Variants in ZNF225 observed in about 807,000 individuals in gnomAD.
ZNF225 encodes zinc finger protein 225.
In ZNF225, 6 loss-of-function variants were observed where a neutral mutation model predicts 12.0. That is an observed-to-expected ratio of 0.50 (90% CI 0.27 to 0.98). The LOEUF (loss-of-function observed/expected upper bound fraction) is 0.98. Among genes scored for constraint, ZNF225 ranks in the 50% least tolerant of loss-of-function variants. ZNF225 has a pLI of 0.11. For missense variants in ZNF225, 763 were observed against 848.2 expected, an observed-to-expected ratio of 0.90 and a Z score of 1.25; for synonymous variants, 271 against 283.2, an observed-to-expected ratio of 0.96 and a Z score of 0.43.
At chr19:44,118,673 C>A in intron 4 of ZNF225, 99 bp downstream of exon 4, 7 of 1,196,538 alleles carry the variant, frequency 5.9e-6, no homozygotes, top group Non-Finnish European at 7.1e-6. Context: ...AATGGCCAGA[C>A]CTCTTTCCTG....
intron 1 of ZNF225, chr19:44,114,210 C>G: frequency 9.8e-7 from 1 of 1,022,460 alleles, no homozygotes; most frequent in Non-Finnish European, 1.5e-6. Context: ...GGGCAAAGCT[C>G]TACGTGAGTG....
chr19:44,114,121 T>A, intron 1 of ZNF225: 1 of 663,156 alleles, frequency 1.5e-6, no homozygotes, highest in Non-Finnish European at 2.5e-6. Context: ...GCGACCACGG[T>A]CAGAGTGTTT....
rs149626182 is a variant in ZNF225 at position 44,114,999 on chromosome 19, T to A, written c.-68-761T>A. Among the ~76,000 whole-genome samples the A allele has an allele frequency of 2.4e-3, 358 of 152,316 alleles. 3 individuals are homozygous for A. The highest frequency in any genetic ancestry group is 0.01 in the Middle Eastern group (3 of 294). ...GTTGCTCTCAATATACACTCCCTAA[T>A]TTTTTAGTTAAATAAAATTTTGTAA... On this transcript the variant is annotated intron_variant, in intron 1 of 4. Transcript: ENST00000262894.
At chr19:44,114,150 C>A in intron 1 of ZNF225, 4 of 927,586 alleles carry the variant, frequency 4.3e-6, no homozygotes, top group South Asian at 3.0e-5. Context: ...TCTCCTTACC[C>A]AGCCCGACCT....
At chr19:44,118,674 C>A in intron 4 of ZNF225, 100 bp downstream of exon 4, 1 of 1,190,080 alleles carries the variant, frequency 8.4e-7, no homozygotes, top group Non-Finnish European at 1.2e-6. Context: ...ATGGCCAGAC[C>A]TCTTTCCTGA....
chr19:44,132,429 T>TA lies in ZNF225; in HGVS notation c.1816dup (p.Thr606AsnfsTer2). On this transcript the variant is annotated frameshift_variant, in exon 5 of 5. Coordinates refer to ENST00000262894, the MANE Select transcript of ZNF225 (RefSeq NM_013362.4). LOFTEE classifies it low-confidence loss of function (END_TRUNC). The stretch of plus-strand genomic sequence containing the variant: ...AATGTGAAGAGTGTGGGAAGAGATT[T>TA]ACTGAGAATTCACAGCTTCATTCCC... 1 of 1,614,194 alleles carries TA rather than the reference T, an allele frequency of 6.2e-7. No homozygotes were observed. Among genetic ancestry groups the TA allele is most frequent in the South Asian group, 1.1e-5 (1 of 91,090 alleles).
chr19:44,114,802 G>A (rs551876332), intron 1 of ZNF225, among the ~76,000 whole-genome samples: 101 of 152,316 alleles, frequency 6.6e-4, no homozygotes, highest in African/African-American at 2.4e-3. Context: ...GAGCCACCGT[G>A]CCCAGCCTGA....
intron 4 of ZNF225, 147 bp from the exon 5 acceptor site, chr19:44,130,699 TCAAA>T (rs1968228044): frequency 4.1e-6 from 1 of 246,298 alleles, no homozygotes; most frequent in Non-Finnish European, 6.8e-6. Context: ...AGACTCCATC[TCAAA>T]AAAAAAAAAA....
At chr19:44,127,475 C>G (rs540376843) in intron 4 of ZNF225, among the ~76,000 whole-genome samples, 2 of 152,186 alleles carry the variant, frequency 1.3e-5, no homozygotes, top group African/African-American at 4.8e-5. Flanking sequence ...TGCAGTTGAT[C>G]TGGAGGTAAA....
intron 1 of ZNF225, among the ~76,000 whole-genome samples, chr19:44,115,144 T>TAA (rs1967917326): frequency 7.0e-6 from 1 of 143,172 alleles, no homozygotes; most frequent in Admixed American, 7.0e-5. Context: ...GAATCCAGTC[T>TAA]TATTAAGTTA....
At chr19:44,118,147 A>T (rs1245096950) in intron 2 of ZNF225, 41 bp from the exon 3 acceptor site, 1 of 1,587,222 alleles carries the variant, frequency 6.3e-7, no homozygotes, top group Admixed American at 1.8e-5. Flanking sequence ...CTCAGTAGTC[A>T]TTGGTCATGA....
chr19:44,131,798 G>A lies in ZNF225; in HGVS notation c.1184G>A (p.Ser395Asn), dbSNP rs45532431. The change falls in exon 5 of 5, where the codon AGT (serine) becomes AAT (asparagine). Residue 395 changes from serine to asparagine, a missense_variant. Ser to Asn is a conservative substitution (Grantham distance 46, BLOSUM62 1). Coordinates refer to ENST00000262894, the MANE Select transcript of ZNF225 (RefSeq NM_013362.4). ...CTTTCAAGACATGTGCGAGTCCACAGTGGAGAGACAACATTCAAATGTGAA... is the reference window on the plus strand; with the variant it reads ...CTTTCAAGACATGTGCGAGTCCACAATGGAGAGACAACATTCAAATGTGAA... ...SGLSRHVRVH[S>N]GETTFKCEEC... The A allele has an allele frequency of 2.5e-5, 41 of 1,614,092 alleles. No individual in the cohort carries two copies. Among genetic ancestry groups the A allele is most frequent in the Non-Finnish European group, 2.5e-6 (3 of 1,180,036 alleles).
At chr19:44,111,683 G>A (rs543453427), upstream of ZNF225, among the ~76,000 whole-genome samples, 282 of 152,308 alleles carry the variant, frequency 1.9e-3, 2 homozygotes, top group African/African-American at 6.7e-3. Flanking sequence ...AGCAAAGGGA[G>A]TTAGAAACAA....
upstream of ZNF225, chr19:44,112,762 C>G (rs1306240106): frequency 1.3e-5 from 2 of 152,202 alleles, no homozygotes; most frequent in Non-Finnish European, 2.9e-5. Context: ...CACGGATGTT[C>G]CACTTTATTT....
In ZNF225 at chr19:44,131,242, G is replaced by A. The variant is rs752107998; in HGVS notation, c.628G>A (p.Gly210Ser). 1 of 1,614,206 alleles carries A rather than the reference G, an allele frequency of 6.2e-7. No homozygotes were observed. Among genetic ancestry groups the A allele is most frequent in the Non-Finnish European group, 8.5e-7 (1 of 1,180,040 alleles). The stretch of plus-strand genomic sequence containing the variant: ...GAAACTCTATAATTGTGATGTGTGT[G>A]GTAAGGAATTCAATCAGAGCTCACA... ...GEKLYNCDVC[G>S]KEFNQSSHLQ... is the part of the protein sequence containing the mutation. The change falls in exon 5 of 5, where the codon GGT (glycine) becomes AGT (serine). Residue 210 changes from glycine (G) to serine (S), a missense_variant. Coordinates refer to ENST00000262894, the MANE Select transcript of ZNF225 (RefSeq NM_013362.4).
chr19:44,118,337 A>G (rs1331566797), intron 3 of ZNF225, 23 bp downstream of exon 3: 2 of 1,609,936 alleles, frequency 1.2e-6, no homozygotes, highest in African/African-American at 2.7e-5. Context: ...ACCCTTTGTA[A>G]GGGAACATCA....
rs1347671494 is a variant in ZNF225 at position 44,114,023 on chromosome 19, C to G, written c.-69+454C>G. 9.3e-6 allele frequency: 3 copies of G among 322,746 alleles called. No individual in the cohort carries two copies. In the East Asian group the frequency reaches 1.4e-4, roughly 15 times the overall value. The allele number at this position is 322,746 out of a possible 1,614,324, so 20.0% of individuals were successfully genotyped here. On this transcript the variant is annotated intron_variant, in intron 1 of 4. Coordinates refer to ENST00000262894, the MANE Select transcript of ZNF225 (RefSeq NM_013362.4). The stretch of plus-strand genomic sequence containing the variant: ...ATTCCTGCAAGACGCTGGGTGATCC[C>G]GGACGCCTTCTGACCTCTCTTTTAG...
rs1393179291 is a variant in ZNF225, at chr19:44,133,881, T to G, written c.*1146T>G. 2 of 151,776 alleles carry G rather than the reference T, an allele frequency of 1.3e-5. No homozygotes were observed. Among genetic ancestry groups the G allele is most frequent in the Admixed American group, 6.6e-5 (1 of 15,264 alleles). 9.4% of individuals were successfully genotyped at this position (151,776 alleles called of 1,614,324 possible). A position where few individuals can be genotyped will look rare whatever the true frequency, so the allele number is the denominator to read the frequency against. On this transcript the variant is annotated 3_prime_UTR_variant, in exon 5 of 5. Transcript: ENST00000262894. The stretch of plus-strand genomic sequence containing the variant: ...TTTTTATAATCAAATCTACTAGAGA[T>G]AGATTTGATTTTTATAATCAAATCT...
At position 44,118,416 on chromosome 19, in the gene ZNF225, T is replaced by C. The variant is rs1599673722; in HGVS notation, c.143-66T>C. On this transcript the variant is annotated intron_variant, in intron 3 of 4. Coordinates refer to ENST00000262894, the MANE Select transcript of ZNF225 (RefSeq NM_013362.4). The stretch of plus-strand genomic sequence containing the variant: ...ATGCATTGGGAACCTAAGTTTCCAG[T>C]AAATTTTACTTAGATTTTTTTCTAG... 1.9e-6 allele frequency: 3 copies of C among 1,611,182 alleles called. No homozygotes were observed. In the East Asian group the frequency reaches 6.7e-5, roughly 36 times the overall value.
Sources: allele counts gnomAD v4.1 joint callset (sites outside exome capture counted in the v4.1 genomes callset), GRCh38; gene constraint gnomAD v4.1.1; transcripts MANE v1.5; gene names NCBI Gene and HGNC (gene_info 2026-07-23, HGNC 2026-07-21).